GRM5: variants seen among roughly 807,000 people sequenced by gnomAD.
The protein encoded by GRM5 is metabotropic glutamate receptor 5.
Under a neutral mutation model 83.1 loss-of-function variants are expected in GRM5, and 19 were observed. The ratio of observed to expected loss-of-function variants is 0.23; its 90% confidence interval spans 0.16 to 0.34. The LOEUF (loss-of-function observed/expected upper bound fraction) is 0.34, where lower values mean the gene tolerates loss of function less well. Among genes scored for constraint, GRM5 ranks in the 10% least tolerant of loss-of-function variants. The probability of loss-of-function intolerance (pLI) is 1.00; values close to 1 mark genes in which losing one functional copy is unlikely to be tolerated. For missense variants in GRM5, 1,160 were observed against 1,588.3 expected (o/e 0.73, Z 4.58); for synonymous variants, 675 against 633.6 (o/e 1.07, Z -0.98).
chr11:88,970,780 A>C (rs1591007581), intron 2 of GRM5, among the ~76,000 whole-genome samples: 1 of 152,180 alleles, frequency 6.6e-6, no homozygotes, highest in East Asian at 1.9e-4. Context: ...GGTGTTGTAC[A>C]CAATATGTAG....
chr11:88,843,841 T>C (rs1487834478), intron 3 of GRM5, among the ~76,000 whole-genome samples: 14 of 152,218 alleles, frequency 9.2e-5, no homozygotes, highest in Admixed American at 1.3e-4. Context: ...AGCCACAACA[T>C]TCTTGTAAAC....
At chr11:88,935,770 C>T (rs1260523959) in intron 2 of GRM5, among the ~76,000 whole-genome samples, 2 of 151,888 alleles carry the variant, frequency 1.3e-5, no homozygotes, top group African/African-American at 2.4e-5. Flanking sequence ...ATAAACCACA[C>T]ATTTTAGGTT....
Position 88,630,699 on chromosome 11 carries a change from C to G in GRM5, c.1147+22469G>C, listed in dbSNP as rs538613239. Among the ~76,000 whole-genome samples the G allele has an allele frequency of 2.0e-5, 3 of 152,180 alleles. No individual in the cohort carries two copies. In the South Asian group the frequency reaches 6.2e-4, roughly 32 times the overall value. Reference sequence around the variant, plus strand: ...GTTTAAGCCATTCTCCTGCCTCAGCCTCCCAAGTGTCTAGTGTTACAGGCA... The same window carrying G: ...GTTTAAGCCATTCTCCTGCCTCAGCGTCCCAAGTGTCTAGTGTTACAGGCA... On this transcript the variant is annotated intron_variant, in intron 4 of 9. Coordinates refer to ENST00000305447, the MANE Select transcript of GRM5 (RefSeq NM_001143831.3).
chr11:88,653,426 T>C (rs201822356), intron 3 of GRM5, 23 bp from the exon 4 acceptor site: 183 of 1,528,820 alleles, frequency 1.2e-4, no homozygotes, highest in Middle Eastern at 1.0e-3. Flanking sequence ...AAAAAAACCC[T>C]CAGCTTAGAA....
At chr11:88,991,297 A>C (rs1324389168) in intron 2 of GRM5, among the ~76,000 whole-genome samples, 2 of 152,096 alleles carry the variant, frequency 1.3e-5, no homozygotes, top group African/African-American at 2.4e-5. Context: ...TAGGAATCCA[A>C]CTTACAAGGG....
At chr11:88,543,889 C>T (rs1021485447) in intron 8 of GRM5, among the ~76,000 whole-genome samples, 1 of 151,984 alleles carries the variant, frequency 6.6e-6, no homozygotes, top group African/African-American at 2.4e-5. Context: ...CAAAAGTTCA[C>T]GTGTTGAAAA....
intron 2 of GRM5, among the ~76,000 whole-genome samples, chr11:88,886,051 A>C (rs1015392597): frequency 1.3e-5 from 2 of 152,210 alleles, no homozygotes; most frequent in Non-Finnish European, 2.9e-5. Flanking sequence ...ATACCTGATC[A>C]AACCAATCTA....
chr11:88,699,660 G>C (rs1223884056), intron 3 of GRM5, among the ~76,000 whole-genome samples: 4 of 152,164 alleles, frequency 2.6e-5, no homozygotes, highest in Non-Finnish European at 5.9e-5. Context: ...AACTCTGGAG[G>C]GGGCAGTAGA....
chr11:88,893,567 C>A (rs1322014744), intron 2 of GRM5, among the ~76,000 whole-genome samples: 2 of 152,058 alleles, frequency 1.3e-5, no homozygotes, highest in South Asian at 2.1e-4. Context: ...ACTCTAGCTA[C>A]CCAAATCCAA....
intron 4 of GRM5, among the ~76,000 whole-genome samples, chr11:88,623,279 T>A (rs1339891573): frequency 6.6e-6 from 1 of 151,292 alleles, no homozygotes; most frequent in African/African-American, 2.4e-5. Flanking sequence ...TATTTTTTTG[T>A]ATTTTTGTAT....
intron 1 of GRM5, among the ~76,000 whole-genome samples, chr11:89,058,904 AT>A (rs1941930807): frequency 1.3e-5 from 2 of 151,350 alleles, no homozygotes; most frequent in East Asian, 3.9e-4. Flanking sequence ...TTACATGTTG[AT>A]TTTTCATTTT....
In GRM5 at chr11:88,568,976, T is replaced by C. The variant is rs1357632965; in HGVS notation, c.1691-984A>G. Among the ~76,000 whole-genome samples the C allele has an allele frequency of 2.0e-5, 3 of 152,206 alleles. No individual in the cohort carries two copies. In the South Asian group the frequency reaches 6.2e-4, roughly 31 times the overall value. ...GTTTTTAAATTATTCCTTGATTATA[T>C]AGCAGAAAAATAGTGACAGAATATA... On this transcript the variant is annotated intron_variant, in intron 7 of 9. Transcript: ENST00000305447.
intron 3 of GRM5, among the ~76,000 whole-genome samples, chr11:88,666,973 A>G (rs1940060356): frequency 6.6e-6 from 1 of 152,220 alleles, no homozygotes; most frequent in East Asian, 1.9e-4. Flanking sequence ...ACCCCATCCC[A>G]ATCATTAGAA....
intron 2 of GRM5, among the ~76,000 whole-genome samples, chr11:88,993,751 T>A (rs1302201934): frequency 6.6e-6 from 1 of 152,220 alleles, no homozygotes; most frequent in East Asian, 1.9e-4. Flanking sequence ...AGACAGGGTC[T>A]CACTCTGTTG....
intron 3 of GRM5, among the ~76,000 whole-genome samples, chr11:88,687,165 C>T (rs1940648052): frequency 6.6e-6 from 1 of 151,832 alleles, no homozygotes; most frequent in African/African-American, 2.4e-5. Flanking sequence ...GAAAATCATT[C>T]AGAAGTTCAT....
intron 8 of GRM5, among the ~76,000 whole-genome samples, chr11:88,528,582 T>G (rs1311885784): frequency 6.6e-6 from 1 of 152,096 alleles, no homozygotes; most frequent in Non-Finnish European, 1.5e-5. Flanking sequence ...AATATCAATT[T>G]TAAAATTTCA....
At chr11:88,632,122 T>C (rs1938988548) in intron 4 of GRM5, among the ~76,000 whole-genome samples, 1 of 151,942 alleles carries the variant, frequency 6.6e-6, no homozygotes, top group Non-Finnish European at 1.5e-5. Context: ...ACGACGTTCC[T>C]CCCGCACCTT....
At chr11:88,989,798 G>A (rs1939894741) in intron 2 of GRM5, among the ~76,000 whole-genome samples, 1 of 150,544 alleles carries the variant, frequency 6.6e-6, no homozygotes, top group South Asian at 2.1e-4. Flanking sequence ...AAATAAAGAT[G>A]TTCTTTGAAA....
intron 4 of GRM5, among the ~76,000 whole-genome samples, chr11:88,621,631 T>C (rs1315398990): frequency 6.6e-6 from 1 of 152,192 alleles, no homozygotes; most frequent in Non-Finnish European, 1.5e-5. Context: ...ATTAACACTT[T>C]CCATCTTTGA....
Sources: allele counts gnomAD v4.1 joint callset (sites outside exome capture counted in the v4.1 genomes callset), GRCh38; gene constraint gnomAD v4.1.1; transcripts MANE v1.5; gene names NCBI Gene and HGNC (gene_info 2026-07-23, HGNC 2026-07-21).